Variants in RTL4 observed in about 807,000 individuals in gnomAD.
RTL4 encodes retrotransposon Gag-like protein 4.
In RTL4, 4 loss-of-function variants were observed where a neutral mutation model predicts 5.3. That is an observed-to-expected ratio of 0.75 (90% confidence interval 0.37 to 1.72). The LOEUF (loss-of-function observed/expected upper bound fraction) is 1.72, where lower values mean the gene tolerates loss of function less well. Ranked by LOEUF, RTL4 falls within the 40% of genes most tolerant of loss-of-function variation. The probability of loss-of-function intolerance (pLI) is 0.04; values close to 1 mark genes in which losing one functional copy is unlikely to be tolerated. For synonymous variants in RTL4, 98 were observed against 87.3 expected, an observed-to-expected ratio of 1.12 and a Z score of -0.68; for missense variants, 260 against 227.1, an observed-to-expected ratio of 1.14 and a Z score of -0.93.
chrX:112,191,756 T>C, the RTL4 span, among the ~76,000 whole-genome samples: 3 of 111,770 alleles, frequency 2.7e-5, no homozygotes, highest in South Asian at 7.5e-4. Flanking sequence ...AATTCATACA[T>C]GTTATACTCA....
At chrX:112,431,022 A>G in the RTL4 span, among the ~76,000 whole-genome samples, 1 of 111,978 alleles carries the variant, frequency 8.9e-6, no homozygotes, top group Non-Finnish European at 1.9e-5. Flanking sequence ...CCATAGTCCT[A>G]TGATTAGGTA....
the RTL4 span, among the ~76,000 whole-genome samples, chrX:112,327,801 A>G: frequency 1.9e-3 from 213 of 111,878 alleles, no homozygotes; most frequent in African/African-American, 6.6e-3. Context: ...GACTAACAGC[A>G]AATCTCTTGG....
At chrX:112,372,310 T>A in the RTL4 span, among the ~76,000 whole-genome samples, 1 of 111,983 alleles carries the variant, frequency 8.9e-6, no homozygotes, top group Admixed American at 9.5e-5. Context: ...CAGTATCCAT[T>A]TATTTTCTTT....
the RTL4 span, among the ~76,000 whole-genome samples, chrX:112,305,270 C>T: frequency 1.1e-3 from 116 of 109,316 alleles, no homozygotes; most frequent in Non-Finnish European, 1.7e-3. Flanking sequence ...GATTCTCCTG[C>T]CTCAGCCTCC....
At chrX:112,182,243 G>T in the RTL4 span, among the ~76,000 whole-genome samples, 1 of 111,855 alleles carries the variant, frequency 8.9e-6, no homozygotes, top group African/African-American at 3.3e-5. Flanking sequence ...AGCACAAAAA[G>T]GCTGACAATT....
chrX:112,104,024 C>A, the RTL4 span, among the ~76,000 whole-genome samples: 26 of 111,106 alleles, frequency 2.3e-4, 1 homozygote, highest in South Asian at 3.4e-3. Context: ...ATTTTGTATC[C>A]TTTGAGCAAC....
chrX:112,083,113 C>G, the RTL4 span, among the ~76,000 whole-genome samples: 214 of 111,407 alleles, frequency 1.9e-3, 1 homozygote, highest in African/African-American at 6.5e-3. Context: ...ATCTCTCCCC[C>G]CTCGGTACGG....
the RTL4 span, among the ~76,000 whole-genome samples, chrX:112,404,947 A>G: frequency 4.5e-5 from 5 of 112,180 alleles, no homozygotes; most frequent in Admixed American, 9.4e-5. Context: ...TGCAGATTCC[A>G]AGGCCTCATC....
At chrX:112,106,173 T>G in the RTL4 span, among the ~76,000 whole-genome samples, 6 of 112,226 alleles carry the variant, frequency 5.3e-5, no homozygotes, top group Admixed American at 5.7e-4. Context: ...TGTATCACGT[T>G]TGTGGATTTG....
At chrX:112,316,650 C>T in the RTL4 span, among the ~76,000 whole-genome samples, 1 of 111,808 alleles carries the variant, frequency 8.9e-6, no homozygotes, top group East Asian at 2.8e-4. Context: ...ACTAACCGCT[C>T]CCCAACAAAA....
At chrX:112,270,884 G>A in the RTL4 span, among the ~76,000 whole-genome samples, 48 of 110,022 alleles carry the variant, frequency 4.4e-4, no homozygotes, top group East Asian at 8.9e-3. Flanking sequence ...AAGGGCAATC[G>A]GCTTTTTTTC....
At chrX:112,119,829 G>A in the RTL4 span, among the ~76,000 whole-genome samples, 5 of 111,843 alleles carry the variant, frequency 4.5e-5, no homozygotes, top group East Asian at 5.6e-4. Context: ...TAATATTTGT[G>A]TCTCTCTCGT....
the RTL4 span, among the ~76,000 whole-genome samples, chrX:112,385,670 A>C: frequency 9.0e-6 from 1 of 111,508 alleles, no homozygotes; most frequent in Non-Finnish European, 1.9e-5. Context: ...CTCTTTCAAA[A>C]CTGTCTTACC....
the RTL4 span, among the ~76,000 whole-genome samples, chrX:112,355,535 T>A: frequency 1.8e-5 from 2 of 111,558 alleles, no homozygotes; most frequent in East Asian, 2.8e-4. Context: ...CTGGAACTTT[T>A]CTTTCATGCC....
the RTL4 span, among the ~76,000 whole-genome samples, chrX:112,343,595 A>G: frequency 8.9e-6 from 1 of 112,108 alleles, no homozygotes; most frequent in Non-Finnish European, 1.9e-5. Context: ...GGACAGTTCA[A>G]TATGTTAATA....
chrX:112,161,664 A>T, the RTL4 span, among the ~76,000 whole-genome samples: 1 of 111,094 alleles, frequency 9.0e-6, no homozygotes, highest in Non-Finnish European at 1.9e-5. Context: ...AAACACATAT[A>T]ACAGAGACAA....
chrX:112,106,318 G>A, the RTL4 span, among the ~76,000 whole-genome samples: 8 of 111,729 alleles, frequency 7.2e-5, no homozygotes, highest in Non-Finnish European at 1.1e-4. Flanking sequence ...TCAGGTCTTT[G>A]TTTGGCTTTG....
At chrX:112,310,369 CATAT>C in the RTL4 span, among the ~76,000 whole-genome samples, 799 of 4,264 alleles carry the variant, frequency 0.19, 38 homozygotes, top group Non-Finnish European at 0.27. Context: ...CACCTTTATA[CATAT>C]ATATATATAT....
At chrX:112,188,111 T>C in the RTL4 span, among the ~76,000 whole-genome samples, 1 of 111,564 alleles carries the variant, frequency 9.0e-6, no homozygotes, top group African/African-American at 3.3e-5. Flanking sequence ...ATAATCATTG[T>C]AGAATCAGTA....
Sources: gnomAD v4.1 joint callset for allele counts (sites outside exome capture counted in the v4.1 genomes callset) on GRCh38, gnomAD v4.1.1 for gene constraint, MANE v1.5 for transcripts, NCBI Gene and HGNC (gene_info 2026-07-23, HGNC 2026-07-21) for gene names.